Variants in PCBP3 observed in about 807,000 individuals in gnomAD.
PCBP3 encodes the protein poly(rC)-binding protein 3.
In PCBP3, 25 loss-of-function variants were observed where a neutral mutation model predicts 52.7. The ratio of observed to expected loss-of-function variants is 0.47; its 90% CI spans 0.35 to 0.66. The LOEUF (loss-of-function observed/expected upper bound fraction) is 0.66, where lower values mean the gene tolerates loss of function less well. PCBP3 is among the 30% of genes least tolerant of loss of function. The pLI is 0.01. For synonymous variants in PCBP3, 162 were observed against 183.0 expected (o/e 0.89, Z 0.93); for missense variants, 391 against 490.3 (o/e 0.80, Z 1.91).
intron 4 of PCBP3, among the ~76,000 whole-genome samples, chr21:45,849,728 G>C (rs2093920077): frequency 6.6e-6 from 1 of 152,206 alleles, no homozygotes. Context: ...CACTTGTGAA[G>C]TGGAAGCCTG....
chr21:45,806,348 G>A (rs548315608), intron 4 of PCBP3, among the ~76,000 whole-genome samples: 1 of 152,260 alleles, frequency 6.6e-6, no homozygotes, highest in East Asian at 1.9e-4. Flanking sequence ...TGGAGGTGAG[G>A]CCAGGAGACG....
intron 4 of PCBP3, among the ~76,000 whole-genome samples, chr21:45,826,127 A>G (rs980216389): frequency 6.6e-6 from 1 of 152,056 alleles, no homozygotes; most frequent in East Asian, 1.9e-4. Flanking sequence ...GCGTGGTGGC[A>G]CATGCCTGTA....
At chr21:45,893,581 A>AGGAGGTGGG (rs2095740704) in intron 5 of PCBP3, among the ~76,000 whole-genome samples, 3 of 142,590 alleles carry the variant, frequency 2.1e-5, no homozygotes, top group Non-Finnish European at 3.0e-5. Flanking sequence ...GACAGTGGGG[A>AGGAGGTGGG]GGCAGGTGAG....
In PCBP3 at chr21:45,938,053, G is replaced by A. The variant is rs1045277713; in HGVS notation, c.910-1977G>A. Reference sequence around the variant, plus strand: ...ATTGCAGGGAGCAGAGGGAGAGGGCGGGGTGAGAGCAGGAGGGGGATGCGT... The same window carrying A: ...ATTGCAGGGAGCAGAGGGAGAGGGCAGGGTGAGAGCAGGAGGGGGATGCGT... On this transcript the variant is annotated intron_variant, in intron 16 of 17. Coordinates refer to ENST00000681687, the MANE Select transcript of PCBP3 (RefSeq NM_001384156.1). Among the ~76,000 whole-genome samples, 11 of 152,272 alleles carry A rather than the reference G, an allele frequency of 7.2e-5. No individual in the cohort carries two copies. The East Asian group carries it at 7.7e-4, about 11-fold the overall frequency.
At chr21:45,705,568 T>C (rs2083397323) in intron 2 of PCBP3, among the ~76,000 whole-genome samples, 1 of 152,180 alleles carries the variant, frequency 6.6e-6, no homozygotes, top group South Asian at 2.1e-4. Context: ...CATGTCAGGG[T>C]GCTCCTGTCT....
chr21:45,822,110 C>G (rs890636767), intron 4 of PCBP3, among the ~76,000 whole-genome samples: 1 of 152,208 alleles, frequency 6.6e-6, no homozygotes, highest in East Asian at 1.9e-4. Context: ...GTGACTATCA[C>G]CCATAGCCTC....
rs1003649706 is a variant in PCBP3 at position 45,911,245 on chromosome 21, G to A, written c.600+215G>A. ...AGCTCAGGGTCCAGTGTCTTCGTGG[G>A]GGCGTCTAGGGGAGAGCATGTGGAG... On this transcript the variant is annotated intron_variant, in intron 11 of 17. Coordinates refer to ENST00000681687, the MANE Select transcript of PCBP3 (RefSeq NM_001384156.1). 3 of 638,044 alleles carry A rather than the reference G, an allele frequency of 4.7e-6. No homozygotes were observed. In the African/African-American group the frequency reaches 5.4e-5, roughly 12 times the overall value. The allele number at this position is 638,044 out of a possible 1,614,324, so 39.5% of individuals were successfully genotyped here.
At chr21:45,923,756 A>G (rs2074832048) in intron 13 of PCBP3, among the ~76,000 whole-genome samples, 1 of 152,246 alleles carries the variant, frequency 6.6e-6, no homozygotes, top group South Asian at 2.1e-4. Context: ...AACAAATAAT[A>G]CAAATAAACT....
chr21:45,865,383 G>T (rs952538810), intron 5 of PCBP3, among the ~76,000 whole-genome samples: 9 of 152,350 alleles, frequency 5.9e-5, no homozygotes, highest in African/African-American at 1.9e-4. Flanking sequence ...AACAAAGCAT[G>T]CCCTGCGCGG....
At chr21:45,826,032 G>C (rs988656810) in intron 4 of PCBP3, among the ~76,000 whole-genome samples, 7 of 152,210 alleles carry the variant, frequency 4.6e-5, no homozygotes, top group Non-Finnish European at 7.3e-5. Context: ...AGCATTTTGG[G>C]AGGCCAAGGC....
intron 2 of PCBP3, among the ~76,000 whole-genome samples, chr21:45,715,782 T>C (rs767214386): frequency 2.0e-5 from 3 of 152,242 alleles, no homozygotes; most frequent in Non-Finnish European, 4.4e-5. Context: ...CATTTGCATA[T>C]ATTTTCTGGG....
intron 1 of PCBP3, among the ~76,000 whole-genome samples, chr21:45,650,515 A>G (rs1028743928): frequency 1.3e-4 from 20 of 152,152 alleles, no homozygotes; most frequent in African/African-American, 4.1e-4. Context: ...TAGTGGTGCT[A>G]TCATATCCTA....
Position 45,829,423 on chromosome 21 carries a change from C to T in PCBP3, c.-125-20538C>T, listed in dbSNP as rs1432651669. 6.6e-6 allele frequency: 1 copy of T among 152,628 alleles called. No individual in the cohort carries two copies. Among genetic ancestry groups the T allele is most frequent in the African/African-American group, 2.4e-5 (1 of 41,458 alleles). 9.5% of individuals were successfully genotyped at this position (152,628 alleles called of 1,614,324 possible). On this transcript the variant is annotated intron_variant, in intron 4 of 17. Coordinates refer to ENST00000681687, the MANE Select transcript of PCBP3 (RefSeq NM_001384156.1). This position sits in a 1 kb window ranked among gnomAD's most constrained non-coding sequence, Gnocchi z 5.2. The stretch of plus-strand genomic sequence containing the variant: ...AGGCAGAGGGTGCTGGGCAGAACCC[C>T]TTCCCGCTGGGCCTCTCTTTGGCAT...
At chr21:45,695,070 A>G (rs1306959812) in intron 2 of PCBP3, among the ~76,000 whole-genome samples, 2 of 152,232 alleles carry the variant, frequency 1.3e-5, no homozygotes, top group Admixed American at 1.3e-4. Context: ...CTATCAAGCT[A>G]TAGTAATCAG....
chr21:45,647,995 GAA>G (rs2079431516), intron 1 of PCBP3, among the ~76,000 whole-genome samples: 2 of 152,210 alleles, frequency 1.3e-5, no homozygotes, highest in Admixed American at 1.3e-4. Context: ...TGTGAGGTGA[GAA>G]AGACTCTAGC....
chr21:45,744,489 G>C lies in PCBP3; in HGVS notation c.-162+9060G>C, dbSNP rs150240604. Reference sequence around the variant, plus strand: ...TAGGATTACAGGTGTAGGCCACCATGCCGGGCCTAGTTTTTCAGTCATTTT... The same window carrying C: ...TAGGATTACAGGTGTAGGCCACCATCCCGGGCCTAGTTTTTCAGTCATTTT... On this transcript the variant is annotated intron_variant, in intron 3 of 17. Transcript: ENST00000681687. 1.3e-4 allele frequency among the ~76,000 whole-genome samples: 20 copies of C among 152,244 alleles called. 1 individual carries two copies. The highest frequency in any genetic ancestry group is 4.8e-4 in the African/African-American group (20 of 41,534).
At chr21:45,895,225 T>C (rs1297700262) in intron 5 of PCBP3, among the ~76,000 whole-genome samples, 2 of 152,216 alleles carry the variant, frequency 1.3e-5, no homozygotes, top group African/African-American at 2.4e-5. Context: ...TTAACAGAAC[T>C]ATTTTATTGA....
chr21:45,665,383 A>G (rs758071486), intron 1 of PCBP3, among the ~76,000 whole-genome samples: 2 of 152,058 alleles, frequency 1.3e-5, no homozygotes, highest in Non-Finnish European at 2.9e-5. Context: ...ACCCCGGCCT[A>G]TGTCACAGAG....
rs2093149248 is a variant in PCBP3, at chr21:45,821,838, C to T, written c.-125-28123C>T. On this transcript the variant is annotated intron_variant, in intron 4 of 17. Transcript: ENST00000681687. The surrounding 1 kb of genome is among the most constrained non-coding windows in gnomAD (Gnocchi z 4.4). ...AGCCCAGCCCTGGCCCTTCGAGCTT[C>T]CGTCCTGCAAGCACCGGCAGTGTCA... Among the ~76,000 whole-genome samples the T allele has an allele frequency of 1.3e-5, 2 of 152,238 alleles. No individual in the cohort carries two copies. Among genetic ancestry groups the T allele is most frequent in the South Asian group, 4.1e-4 (2 of 4,836 alleles).
Sources: gnomAD v4.1 joint callset for allele counts (sites outside exome capture counted in the v4.1 genomes callset) on GRCh38, gnomAD v4.1.1 for gene constraint, Gnocchi (gnomAD v3.1) non-coding constraint, MANE v1.5 for transcripts, NCBI Gene and HGNC (gene_info 2026-07-23, HGNC 2026-07-21) for gene names.